PHACTR4: variants seen among roughly 807,000 people sequenced by gnomAD.
PHACTR4 encodes the protein protein phosphatase 1, regulatory subunit 124.
In PHACTR4, 51 loss-of-function variants were observed where a neutral mutation model predicts 72.7. That is an observed-to-expected ratio of 0.70 (90% CI 0.56 to 0.89). The LOEUF (loss-of-function observed/expected upper bound fraction) is 0.89, where lower values mean the gene tolerates loss of function less well. Ranked by LOEUF, PHACTR4 falls within the 40% of genes least tolerant of loss-of-function variation. The pLI is 0.00. For missense variants in PHACTR4, 731 were observed against 861.8 expected, an observed-to-expected ratio of 0.85 and a Z score of 1.90; for synonymous variants, 255 against 302.5, an observed-to-expected ratio of 0.84 and a Z score of 1.63.
At chr1:28,374,316 C>G (rs1651475952) in intron 1 of PHACTR4, among the ~76,000 whole-genome samples, 1 of 152,158 alleles carries the variant, frequency 6.6e-6, no homozygotes, top group African/African-American at 2.4e-5. Flanking sequence ...AGATACTGTA[C>G]TTTTTTAGTC....
At chr1:28,375,442 T>C (rs982114940) in intron 1 of PHACTR4, among the ~76,000 whole-genome samples, 1 of 151,582 alleles carries the variant, frequency 6.6e-6, no homozygotes, top group African/African-American at 2.4e-5. Context: ...TTCGGGAGGC[T>C]AAGGCAGGAG....
Position 28,499,462 on chromosome 1 carries a change from A to ATT in PHACTR4, c.*2915_*2916dup, listed in dbSNP as rs374961273. ...CCTTGAAGTTTTTTGTTTGGTTTTG[A>ATT]TTTGTTTTGTTTTGTTTTGTTTTGT... On this transcript the variant is annotated 3_prime_UTR_variant, in exon 14 of 14. Coordinates refer to ENST00000373839, the MANE Select transcript of PHACTR4 (RefSeq NM_001048183.3). 1 of 149,130 alleles carries ATT rather than the reference A, an allele frequency of 6.7e-6. No homozygotes were observed. The highest frequency in any genetic ancestry group is 1.5e-5 in the Non-Finnish European group (1 of 67,656). 9.2% of individuals were successfully genotyped at this position (149,130 alleles called of 1,614,324 possible). A position where few individuals can be genotyped will look rare whatever the true frequency, so the allele number is the denominator to read the frequency against.
intron 1 of PHACTR4, among the ~76,000 whole-genome samples, chr1:28,377,580 G>A (rs1651786322): frequency 6.6e-6 from 1 of 152,024 alleles, no homozygotes; most frequent in African/African-American, 2.4e-5. Context: ...CAGGAGTGGT[G>A]GCTGCGGCCT....
At chr1:28,377,671 C>G (rs542977250) in intron 1 of PHACTR4, among the ~76,000 whole-genome samples, 11 of 152,042 alleles carry the variant, frequency 7.2e-5, no homozygotes, top group African/African-American at 2.7e-4. Flanking sequence ...TCTACAAAAA[C>G]TACAAAAAAG....
chr1:28,469,911 T>C (rs775692699), intron 6 of PHACTR4, among the ~76,000 whole-genome samples: 23 of 150,782 alleles, frequency 1.5e-4, no homozygotes, highest in Non-Finnish European at 2.4e-4. Context: ...CAAAAAATGA[T>C]CTGGGTATGA....
At chr1:28,420,542 C>T (rs1393839175) in intron 2 of PHACTR4, among the ~76,000 whole-genome samples, 1 of 152,154 alleles carries the variant, frequency 6.6e-6, no homozygotes, top group African/African-American at 2.4e-5. Context: ...ACTACCCAGT[C>T]TTGGGCACTT....
At chr1:28,490,103 A>G (rs1214267463) in intron 10 of PHACTR4, among the ~76,000 whole-genome samples, 2 of 152,228 alleles carry the variant, frequency 1.3e-5, no homozygotes, top group African/African-American at 2.4e-5. Flanking sequence ...AGGTCCTTAC[A>G]AAACCATTTA....
chr1:28,457,352 T>C (rs756165941), intron 2 of PHACTR4: 2 of 442,728 alleles, frequency 4.5e-6, no homozygotes, highest in South Asian at 3.2e-5. Context: ...CCCAGTGCTT[T>C]TGGGAGGCCA....
intron 1 of PHACTR4, among the ~76,000 whole-genome samples, chr1:28,382,757 C>G (rs1652284383): frequency 6.6e-6 from 1 of 152,040 alleles, no homozygotes; most frequent in Non-Finnish European, 1.5e-5. Context: ...TTTCAATCTT[C>G]TGCATACTAG....
chr1:28,436,922 T>C (rs994799193), intron 2 of PHACTR4, among the ~76,000 whole-genome samples: 2 of 152,322 alleles, frequency 1.3e-5, no homozygotes, highest in Admixed American at 1.3e-4. Flanking sequence ...ATGGAAATTA[T>C]TGAGTTTTAG....
Position 28,476,170 on chromosome 1 carries a change from T to C in PHACTR4, c.1485T>C (p.Pro495=). Reference sequence around the variant, plus strand: ...CCACATTCAGTGAAGAAATGACACCTACCTCAGTCATTCCTAAATTACCAC... The same window carrying C: ...CCACATTCAGTGAAGAAATGACACCCACCTCAGTCATTCCTAAATTACCAC... The part of the protein sequence containing the change: ...CPSTFSEEMT[P]TSVIPKLPQC... Residue 495 remains proline, a synonymous_variant, in exon 8 of 14, where the codon CCT becomes CCC. Transcript: ENST00000373839. The C allele has an allele frequency of 6.2e-7, 1 of 1,613,214 alleles. No individual in the cohort carries two copies.
intron 1 of PHACTR4, among the ~76,000 whole-genome samples, chr1:28,391,832 C>G (rs899422243): frequency 1.3e-5 from 2 of 151,936 alleles, no homozygotes; most frequent in Admixed American, 1.3e-4. Flanking sequence ...ATCTCAAACT[C>G]CCAACCTCAG....
chr1:28,397,764 C>T (rs182159561), intron 1 of PHACTR4, among the ~76,000 whole-genome samples: 77 of 150,022 alleles, frequency 5.1e-4, no homozygotes, highest in African/African-American at 1.7e-3. Flanking sequence ...GGCGCAGTCT[C>T]GGCTCACTGC....
chr1:28,490,425 G>A (rs1168176194), intron 10 of PHACTR4, among the ~76,000 whole-genome samples: 1 of 151,980 alleles, frequency 6.6e-6, no homozygotes, highest in African/African-American at 2.4e-5. Context: ...CCAGCTACTC[G>A]GGAGGCTGAG....
intron 8 of PHACTR4, among the ~76,000 whole-genome samples, chr1:28,477,043 T>C (rs2124513723): frequency 1.3e-5 from 2 of 151,550 alleles, no homozygotes; most frequent in East Asian, 3.9e-4. Context: ...GTGCTGGGAT[T>C]ATAGGTGTCA....
chr1:28,417,514 G>A (rs1655178175), intron 2 of PHACTR4, among the ~76,000 whole-genome samples: 2 of 152,202 alleles, frequency 1.3e-5, no homozygotes, highest in Non-Finnish European at 2.9e-5. Flanking sequence ...TTAACAGGCA[G>A]TGAACACATA....
At chr1:28,407,292 A>G (rs976182884) in intron 1 of PHACTR4, 118 bp from the exon 2 acceptor site, 1 of 479,790 alleles carries the variant, frequency 2.1e-6, no homozygotes, top group Admixed American at 4.0e-5. Context: ...GTACATTTCT[A>G]TAATGTTCCA....
At chr1:28,448,754 T>A (rs1569986779) in intron 2 of PHACTR4, among the ~76,000 whole-genome samples, 1 of 75,496 alleles carries the variant, frequency 1.3e-5, no homozygotes. Context: ...AGAGCGAGAC[T>A]CCATCTCAAA....
intron 2 of PHACTR4, chr1:28,453,613 T>G (rs1658140157): frequency 1.7e-6 from 2 of 1,186,702 alleles, no homozygotes; most frequent in Non-Finnish European, 2.4e-6. Context: ...CCTTCTACAG[T>G]GAGGTGAAAC....
Sources: gnomAD v4.1 joint callset for allele counts (sites outside exome capture counted in the v4.1 genomes callset) on GRCh38, gnomAD v4.1.1 for gene constraint, MANE v1.5 for transcripts, NCBI Gene and HGNC (gene_info 2026-07-23, HGNC 2026-07-21) for gene names.